PLEKHG3: variants seen among roughly 807,000 people sequenced by gnomAD.
PLEKHG3 encodes pleckstrin homology and RhoGEF domain containing G3.
A neutral mutation model predicts 94.9 loss-of-function variants in PLEKHG3; 62 were observed. The observed-to-expected ratio is 0.65, with a 90% CI of 0.53 to 0.81. The LOEUF (loss-of-function observed/expected upper bound fraction) is 0.81, where lower values mean the gene tolerates loss of function less well. Ranked by LOEUF, PLEKHG3 falls within the 30% of genes least tolerant of loss-of-function variation. The pLI, the probability that PLEKHG3 is intolerant of heterozygous loss-of-function variation, is 0.00. For synonymous variants in PLEKHG3, 614 were observed against 654.0 expected (o/e 0.94, Z 0.93); for missense variants, 1,461 against 1,619.3 (o/e 0.90, Z 1.68).
chr14:64,735,203 T>C (rs1566710442), intron 12 of PLEKHG3, among the ~76,000 whole-genome samples: 1 of 152,176 alleles, frequency 6.6e-6, no homozygotes, highest in Non-Finnish European at 1.5e-5. Flanking sequence ...AGACAGCCTG[T>C]GTTTGGTGTG....
chr14:64,736,247 C>G (rs1322535753), intron 12 of PLEKHG3, among the ~76,000 whole-genome samples: 1 of 152,248 alleles, frequency 6.6e-6, no homozygotes, highest in Non-Finnish European at 1.5e-5. Flanking sequence ...GTGATGACAC[C>G]ATTGGCCTAA....
chr14:64,713,541 G>A (rs1035803236), intron 1 of PLEKHG3, among the ~76,000 whole-genome samples: 1 of 152,160 alleles, frequency 6.6e-6, no homozygotes, highest in African/African-American at 2.4e-5. Context: ...TTTCAACAAA[G>A]TTATCCAATT....
rs2081156889 is a variant in PLEKHG3 at position 64,716,480 on chromosome 14, CAA to C, written c.-39-11112_-39-11111del. On this transcript the variant is annotated intron_variant, in intron 1 of 16. Transcript: ENST00000247226. This position sits in a 1 kb window ranked among gnomAD's most constrained non-coding sequence, Gnocchi z 5.0. ...CACACACACACAACACACACACACACAACACACACACACACAACACACACACA... is the reference window on the plus strand; with the variant it reads ...CACACACACACAACACACACACACACCACACACACACACAACACACACACA... Among the ~76,000 whole-genome samples, 1 of 128,428 alleles carries C rather than the reference CAA, an allele frequency of 7.8e-6. No homozygotes were observed. The highest frequency in any genetic ancestry group is 1.6e-5 in the Non-Finnish European group (1 of 61,362). 84.3% of individuals were successfully genotyped at this position (128,428 alleles called of 152,430 possible). A position where few individuals can be genotyped will look rare whatever the true frequency, so the allele number is the denominator to read the frequency against.
chr14:64,726,546 C>G lies in PLEKHG3; in HGVS notation c.-39-1047C>G, dbSNP rs917532454. Among the ~76,000 whole-genome samples the G allele has an allele frequency of 2.6e-5, 4 of 152,056 alleles. No homozygotes were observed. The highest frequency in any genetic ancestry group is 9.7e-5 in the African/African-American group (4 of 41,380). ...GCCTGAAGTAGTCTGGCCACTCCAC[C>G]CTTCCATCCCCCGGCTGCTCCAGGT... On this transcript the variant is annotated intron_variant, in intron 1 of 16. Transcript: ENST00000247226. The surrounding 1 kb of genome is among the most constrained non-coding windows in gnomAD (Gnocchi z 5.1).
At chr14:64,736,612 C>T (rs1053315936) in intron 12 of PLEKHG3, among the ~76,000 whole-genome samples, 14 of 152,152 alleles carry the variant, frequency 9.2e-5, no homozygotes, top group African/African-American at 2.4e-4. Flanking sequence ...GGTACTGCTC[C>T]GGCAGGGCTG....
At chr14:64,736,461 G>C (rs1417963201) in intron 12 of PLEKHG3, among the ~76,000 whole-genome samples, 1 of 152,246 alleles carries the variant, frequency 6.6e-6, no homozygotes, top group Admixed American at 6.5e-5. Context: ...TGCCAGGGAG[G>C]CAAGGGGCTT....
At chr14:64,709,731 G>C (rs990901961) in intron 1 of PLEKHG3, among the ~76,000 whole-genome samples, 2 of 69,060 alleles carry the variant, frequency 2.9e-5, no homozygotes, top group Non-Finnish European at 6.0e-5. Context: ...CTGTGAGACT[G>C]TGTGTGTGTG....
intron 1 of PLEKHG3, among the ~76,000 whole-genome samples, chr14:64,711,570 C>T (rs1008276015): frequency 6.6e-6 from 1 of 152,108 alleles, no homozygotes; most frequent in Non-Finnish European, 1.5e-5. Flanking sequence ...CCCACCACCA[C>T]GTCTGGCTAA....
At position 64,730,223 on chromosome 14, in the gene PLEKHG3, G is replaced by C; in HGVS notation, c.450-20G>C. ...TCCTCTGACTGCAGAGGGTACAGTG[G>C]CTGCTCTCCCCTCACCCAGCCAGCT... On this transcript the variant is annotated intron_variant, in intron 3 of 16. Coordinates refer to ENST00000247226, the MANE Select transcript of PLEKHG3 (RefSeq NM_001308147.2). This position sits in a 1 kb window ranked among gnomAD's most constrained non-coding sequence, Gnocchi z 5.4. 6.9e-7 allele frequency: 1 copy of C among 1,458,776 alleles called. No homozygotes were observed. Among genetic ancestry groups the C allele is most frequent in the South Asian group, 1.2e-5 (1 of 82,564 alleles). The allele number at this position is 1,458,776 out of a possible 1,614,324, so 90.4% of individuals were successfully genotyped here.
chr14:64,727,661 T>A lies in PLEKHG3; in HGVS notation c.30T>A (p.Asp10Glu), dbSNP rs143405565. The change falls in exon 2 of 17, where the codon GAT (aspartate) becomes GAA (glutamate). Residue 10 changes from aspartate to glutamate, a missense_variant. Coordinates refer to ENST00000247226, the MANE Select transcript of PLEKHG3 (RefSeq NM_001308147.2). This position sits in a 1 kb window ranked among gnomAD's most constrained non-coding sequence, Gnocchi z 6.0. The stretch of plus-strand genomic sequence containing the variant: ...CTGTGTCCACCTCCCTCCACCAGGA[T>A]GGCAGCCAGGAGCGGCCGGTGAGCC... MPVSTSLHQDGSQERPVSLT... is the reference protein window; with the variant it reads MPVSTSLHQEGSQERPVSLT... 1.0e-4 allele frequency: 168 copies of A among 1,612,380 alleles called. 1 individual carries two copies. The African/African-American group carries it at 1.9e-3, about 18-fold the overall frequency.
rs1015055946 is a variant in PLEKHG3 at position 64,728,894 on chromosome 14, C to T, written c.352-102C>T. On this transcript the variant is annotated intron_variant, in intron 2 of 16. Transcript: ENST00000247226. This position sits in a 1 kb window ranked among gnomAD's most constrained non-coding sequence, Gnocchi z 5.9. ...ACACTGTCTCACAGTAGGCAATGTC[C>T]GTGAAGTGGTGTTACAGCAGGGCCG... 3.6e-5 allele frequency: 20 copies of T among 558,796 alleles called. No homozygotes were observed. Among genetic ancestry groups the T allele is most frequent in the African/African-American group, 1.1e-4 (6 of 52,414 alleles). The allele number at this position is 558,796 out of a possible 1,614,324, so 34.6% of individuals were successfully genotyped here.
rs1290014396 is a variant in PLEKHG3 at position 64,746,469 on chromosome 14, T to C, written c.*2766T>C. 1 of 152,704 alleles carries C rather than the reference T, an allele frequency of 6.5e-6. No individual in the cohort carries two copies. The highest frequency in any genetic ancestry group is 1.5e-5 in the Non-Finnish European group (1 of 68,098). The allele number at this position is 152,704 out of a possible 1,614,324, so 9.5% of individuals were successfully genotyped here. ...TCCTCATTTCCTCCCTGAGCTTGTT[T>C]GTCCAAGCCACCAAGCCATGTGGTC... is the stretch of plus-strand genomic sequence containing the variant. On this transcript the variant is annotated 3_prime_UTR_variant, in exon 17 of 17. Transcript: ENST00000247226. This position sits in a 1 kb window ranked among gnomAD's most constrained non-coding sequence, Gnocchi z 4.9.
chr14:64,737,965 AGGAGGAGGTGGT>A (rs1286482011), intron 14 of PLEKHG3: 3 of 1,228,052 alleles, frequency 2.4e-6, no homozygotes, highest in East Asian at 5.6e-5. Context: ...GAAGAGGAAG[AGGAGGAGGTGGT>A]GGAGGAGGAG....
chr14:64,738,077 GC>G lies in PLEKHG3; in HGVS notation c.1405-660del, dbSNP rs1431325303. Reference sequence around the variant, plus strand: ...GCAACGAGAAGGGGGCTGGGCCGGAGCCCCCAGGCTCAGAGGAGGAGGAGGA... The same window carrying G: ...GCAACGAGAAGGGGGCTGGGCCGGAGCCCCAGGCTCAGAGGAGGAGGAGGA... On this transcript the variant is annotated intron_variant, in intron 14 of 16. Transcript: ENST00000247226. This position sits in a 1 kb window ranked among gnomAD's most constrained non-coding sequence, Gnocchi z 4.8. 3.1e-6 allele frequency: 4 copies of G among 1,301,662 alleles called. No homozygotes were observed. Among genetic ancestry groups the G allele is most frequent in the South Asian group, 1.2e-5 (1 of 82,082 alleles). The allele number at this position is 1,301,662 out of a possible 1,614,324, so 80.6% of individuals were successfully genotyped here. A position where few individuals can be genotyped will look rare whatever the true frequency, so the allele number is the denominator to read the frequency against.
chr14:64,737,820 G>T, intron 14 of PLEKHG3: 1 of 1,063,830 alleles, frequency 9.4e-7, no homozygotes. Context: ...ACGGGAGGTT[G>T]CCCAAGAGGC....
In PLEKHG3 at chr14:64,704,937, C is replaced by CT. The variant is rs984210132; in HGVS notation, c.-40+240dup. Among the ~76,000 whole-genome samples the CT allele has an allele frequency of 6.6e-6, 1 of 152,172 alleles. No homozygotes were observed. Among genetic ancestry groups the CT allele is most frequent in the African/African-American group, 2.4e-5 (1 of 41,436 alleles). On this transcript the variant is annotated intron_variant, in intron 1 of 16. Transcript: ENST00000247226. The surrounding 1 kb of genome is among the most constrained non-coding windows in gnomAD (Gnocchi z 5.6). The stretch of plus-strand genomic sequence containing the variant: ...GGTCGTATGGGGAGACTTTTTCTGT[C>CT]TTTTTTTCCCTCCACTCCGGAAACA...
Position 64,730,538 on chromosome 14 carries a change from CAG to C in PLEKHG3, c.520-103_520-102del, listed in dbSNP as rs745926017. The C allele has an allele frequency of 7.3e-5, 69 of 944,950 alleles. No individual in the cohort carries two copies. The highest frequency in any genetic ancestry group is 6.7e-4 in the Middle Eastern group (3 of 4,472). The allele number at this position is 944,950 out of a possible 1,614,324, so 58.5% of individuals were successfully genotyped here. ...AGATGGCTCTGTAGGCATTTGGGAA[CAG>C]GGGACAGAGGGTGCTCTGGGGGCCA... On this transcript the variant is annotated intron_variant, in intron 4 of 16. Coordinates refer to ENST00000247226, the MANE Select transcript of PLEKHG3 (RefSeq NM_001308147.2). The surrounding 1 kb of genome is among the most constrained non-coding windows in gnomAD (Gnocchi z 5.4).
In PLEKHG3 at chr14:64,747,423, C is replaced by T. The variant is rs2081864127; in HGVS notation, c.*3720C>T. 6.6e-6 allele frequency: 1 copy of T among 152,662 alleles called. No homozygotes were observed. Among genetic ancestry groups the T allele is most frequent in the African/African-American group, 2.4e-5 (1 of 41,464 alleles). 9.5% of individuals were successfully genotyped at this position (152,662 alleles called of 1,614,324 possible). On this transcript the variant is annotated 3_prime_UTR_variant, in exon 17 of 17. Transcript: ENST00000247226. ...TACAGAAAGAGGCTGGTGAGTGATA[C>T]ACACTAGGTTCCCTGTATAGGGTCA...
Position 64,723,084 on chromosome 14 carries a change from C to A in PLEKHG3, c.-39-4509C>A, listed in dbSNP as rs1377758689. Among the ~76,000 whole-genome samples, 1 of 152,140 alleles carries A rather than the reference C, an allele frequency of 6.6e-6. No homozygotes were observed. On this transcript the variant is annotated intron_variant, in intron 1 of 16. Coordinates refer to ENST00000247226, the MANE Select transcript of PLEKHG3 (RefSeq NM_001308147.2). This position sits in a 1 kb window ranked among gnomAD's most constrained non-coding sequence, Gnocchi z 4.5. Reference sequence around the variant, plus strand: ...GTCTGCTGTGCTCGGAATCCAGGGGCCTGCTGTAGCCTGCCTGCCTCTGCA... The same window carrying A: ...GTCTGCTGTGCTCGGAATCCAGGGGACTGCTGTAGCCTGCCTGCCTCTGCA...
Sources: allele counts gnomAD v4.1 joint callset (sites outside exome capture counted in the v4.1 genomes callset), GRCh38; gene constraint gnomAD v4.1.1; non-coding constraint Gnocchi (gnomAD v3.1); transcripts MANE v1.5; gene names NCBI Gene and HGNC (gene_info 2026-07-23, HGNC 2026-07-21).